ASTN2: variants seen among roughly 807,000 people sequenced by gnomAD.
The protein encoded by ASTN2 is astrotactin-2.
Under a neutral mutation model 139.8 loss-of-function variants are expected in ASTN2, and 54 were observed. The ratio of observed to expected loss-of-function variants is 0.39; its 90% CI spans 0.31 to 0.48. The LOEUF is 0.48. Among genes scored for constraint, ASTN2 ranks in the 20% least tolerant of loss-of-function variants. ASTN2 has a pLI of 0.95. For missense variants in ASTN2, 1,565 were observed against 1,725.1 expected (o/e 0.91, Z 1.64); for synonymous variants, 756 against 719.5 (o/e 1.05, Z -0.81).
intron 19 of ASTN2, among the ~76,000 whole-genome samples, chr9:116,509,258 G>C (rs1850254894): frequency 6.6e-6 from 1 of 152,138 alleles, no homozygotes; most frequent in African/African-American, 2.4e-5. Flanking sequence ...AACATGCAGT[G>C]TTTGGTTTTT....
At chr9:117,115,969 G>A (rs1056220293) in intron 4 of ASTN2, among the ~76,000 whole-genome samples, 3 of 150,888 alleles carry the variant, frequency 2.0e-5, no homozygotes, top group African/African-American at 7.3e-5. Flanking sequence ...AGCTTGCAGT[G>A]AGCTGAGATT....
intron 3 of ASTN2, among the ~76,000 whole-genome samples, chr9:117,144,004 C>T (rs1830133954): frequency 6.6e-6 from 1 of 152,152 alleles, no homozygotes; most frequent in Non-Finnish European, 1.5e-5. Flanking sequence ...CCCAGTGTGA[C>T]TGTATTTGGA....
chr9:116,554,358 G>C (rs1852497609), intron 19 of ASTN2, among the ~76,000 whole-genome samples: 1 of 152,166 alleles, frequency 6.6e-6, no homozygotes, highest in South Asian at 2.1e-4. Context: ...TTTGGGATCT[G>C]GTGTCAAGAG....
At chr9:116,890,326 C>A (rs1174648745) in intron 10 of ASTN2, among the ~76,000 whole-genome samples, 2 of 152,166 alleles carry the variant, frequency 1.3e-5, no homozygotes, top group Admixed American at 6.5e-5. Flanking sequence ...CCTAACTGCA[C>A]CTGCCACGCA....
chr9:116,677,509 C>T (rs1404666154), intron 16 of ASTN2, among the ~76,000 whole-genome samples: 2 of 152,014 alleles, frequency 1.3e-5, no homozygotes, highest in South Asian at 2.1e-4. Context: ...TAAGGAATGG[C>T]TAATAGCACT....
At chr9:117,104,170 G>T (rs1829048470) in intron 4 of ASTN2, among the ~76,000 whole-genome samples, 1 of 152,150 alleles carries the variant, frequency 6.6e-6, no homozygotes, top group Non-Finnish European at 1.5e-5. Flanking sequence ...TTTTAAAATG[G>T]ATTTTTATGG....
chr9:116,652,385 TAG>T (rs1162339394), intron 16 of ASTN2, among the ~76,000 whole-genome samples: 1 of 152,170 alleles, frequency 6.6e-6, no homozygotes, highest in Non-Finnish European at 1.5e-5. Flanking sequence ...TAGGTTGGGC[TAG>T]ATTATTATTC....
At chr9:116,438,450 T>C (rs1029532307) in intron 22 of ASTN2, among the ~76,000 whole-genome samples, 2 of 152,214 alleles carry the variant, frequency 1.3e-5, no homozygotes, top group Non-Finnish European at 2.9e-5. Flanking sequence ...TCACACACTT[T>C]GCTGCCACTA....
chr9:116,551,239 A>C (rs1852328534), intron 19 of ASTN2: 1 of 152,200 alleles, frequency 6.6e-6, no homozygotes, highest in South Asian at 2.1e-4. Flanking sequence ...TTCTGATATA[A>C]ATGAATCACA....
rs10983335 is a variant in ASTN2 at position 116,753,057 on chromosome 9, T to C, written c.2397-19534A>G. 2.6e-5 allele frequency among the ~76,000 whole-genome samples: 4 copies of C among 152,362 alleles called. No homozygotes were observed. The East Asian group carries it at 7.7e-4, about 29-fold the overall frequency. On this transcript the variant is annotated intron_variant, in intron 13 of 22. Coordinates refer to ENST00000313400, the MANE Select transcript of ASTN2 (RefSeq NM_001365068.1). ...TGTAAAACATGTCCACACAAAACTC[T>C]GCACATGTTTATGTGATCGTATTCA...
At chr9:117,287,678 G>A (rs1012692440) in intron 2 of ASTN2, among the ~76,000 whole-genome samples, 1 of 152,168 alleles carries the variant, frequency 6.6e-6, no homozygotes, top group Non-Finnish European at 1.5e-5. Flanking sequence ...CAAAATAAAT[G>A]TCAGGTATTA....
chr9:116,791,154 C>T (rs891667446), intron 13 of ASTN2, among the ~76,000 whole-genome samples: 2 of 152,098 alleles, frequency 1.3e-5, no homozygotes, highest in African/African-American at 4.8e-5. Context: ...CGCACCCAGC[C>T]CTATCTCCAG....
chr9:117,116,792 G>A (rs1829403779), intron 4 of ASTN2, among the ~76,000 whole-genome samples: 1 of 120,616 alleles, frequency 8.3e-6, no homozygotes, highest in Non-Finnish European at 1.6e-5. Context: ...GTGTGAGTGT[G>A]TGTGTGTGTT....
intron 5 of ASTN2, among the ~76,000 whole-genome samples, chr9:117,090,927 T>C (rs1013153177): frequency 4.6e-5 from 7 of 152,240 alleles, no homozygotes; most frequent in Non-Finnish European, 1.0e-4. Context: ...AGTGTAACCT[T>C]TTCTGCCATG....
At chr9:116,703,963 A>C (rs1235011164) in intron 16 of ASTN2, among the ~76,000 whole-genome samples, 2 of 152,038 alleles carry the variant, frequency 1.3e-5, no homozygotes, top group African/African-American at 2.4e-5. Context: ...ATACACTTAG[A>C]CTCCAGACCT....
intron 13 of ASTN2, among the ~76,000 whole-genome samples, chr9:116,795,142 C>A (rs1421156197): frequency 6.6e-6 from 1 of 152,002 alleles, no homozygotes; most frequent in Non-Finnish European, 1.5e-5. Context: ...ACACCCAGCT[C>A]ATTTTTTTTG....
At chr9:116,687,093 C>T in intron 16 of ASTN2, 1 of 1,180,964 alleles carries the variant, frequency 8.5e-7, no homozygotes, top group Non-Finnish European at 1.1e-6. Flanking sequence ...GTCCCTTTCG[C>T]CCATGGGCGT....
intron 11 of ASTN2, among the ~76,000 whole-genome samples, chr9:116,854,920 A>G (rs12555812): frequency 0.21 from 31,685 of 151,756 alleles, 3,819 homozygotes; most frequent in Middle Eastern, 0.33. Flanking sequence ...CCAAAGTGCT[A>G]GGATTACAGG....
intron 10 of ASTN2, among the ~76,000 whole-genome samples, chr9:116,927,178 C>T (rs562854807): frequency 2.0e-5 from 3 of 152,146 alleles, no homozygotes; most frequent in East Asian, 3.9e-4. Flanking sequence ...ATCTCTGTTG[C>T]CTTCCATCCA....
Sources: allele counts gnomAD v4.1 joint callset (sites outside exome capture counted in the v4.1 genomes callset), GRCh38; gene constraint gnomAD v4.1.1; transcripts MANE v1.5; gene names NCBI Gene and HGNC (gene_info 2026-07-23, HGNC 2026-07-21).